Variants in AGBL4 observed in about 807,000 individuals in gnomAD.
The protein encoded by AGBL4 is AGBL carboxypeptidase 4.
A neutral mutation model predicts 66.4 loss-of-function variants in AGBL4; 58 were observed. The observed-to-expected ratio is 0.87, with a 90% confidence interval of 0.71 to 1.09. The LOEUF (loss-of-function observed/expected upper bound fraction) is 1.09, where lower values mean the gene tolerates loss of function less well. Ranked by LOEUF, AGBL4 falls within the 50% of genes least tolerant of loss-of-function variation. The pLI, the probability that AGBL4 is intolerant of heterozygous loss-of-function variation, is 0.00. For synonymous variants in AGBL4, 234 were observed against 222.9 expected, an observed-to-expected ratio of 1.05 and a Z score of -0.44; for missense variants, 579 against 631.0, an observed-to-expected ratio of 0.92 and a Z score of 0.88.
At chr1:48,887,082 T>A (rs1390561666) in intron 5 of AGBL4, among the ~76,000 whole-genome samples, 1 of 152,140 alleles carries the variant, frequency 6.6e-6, no homozygotes, top group Non-Finnish European at 1.5e-5. Flanking sequence ...GTGGCTGGAT[T>A]TCTCAAGGTG....
intron 6 of AGBL4, among the ~76,000 whole-genome samples, chr1:48,768,593 C>T (rs938646860): frequency 6.6e-6 from 1 of 152,068 alleles, no homozygotes; most frequent in Non-Finnish European, 1.5e-5. Context: ...TGAATTTACC[C>T]ATGAAGAATT....
chr1:48,956,862 C>A (rs1430541999), intron 5 of AGBL4, among the ~76,000 whole-genome samples: 4 of 152,128 alleles, frequency 2.6e-5, no homozygotes, highest in Non-Finnish European at 4.4e-5. Context: ...TGGCAGGACA[C>A]ACACCATGTT....
chr1:48,914,161 G>A (rs1570988486), intron 5 of AGBL4, among the ~76,000 whole-genome samples: 1 of 152,152 alleles, frequency 6.6e-6, no homozygotes. Flanking sequence ...AGCCTAGGAC[G>A]GAACCCTGAA....
At position 48,669,640 on chromosome 1, in the gene AGBL4, T is replaced by G. The variant is rs150641821; in HGVS notation, c.635-6399A>C. Among the ~76,000 whole-genome samples the G allele has an allele frequency of 3.9e-5, 6 of 152,308 alleles. No individual in the cohort carries two copies. The East Asian group carries it at 7.7e-4, about 20-fold the overall frequency. ...CAGTTTCCCAGACTTTATATATATT[T>G]TCCTAACTCCTCCCCAAAGCCTCTC... On this transcript the variant is annotated intron_variant, in intron 6 of 13. Transcript: ENST00000371839.
At chr1:48,977,571 A>G (rs770303475) in intron 5 of AGBL4, among the ~76,000 whole-genome samples, 6 of 152,156 alleles carry the variant, frequency 3.9e-5, no homozygotes, top group Non-Finnish European at 8.8e-5. Context: ...TTCATTTCTC[A>G]TACCCACAAC....
rs114281185 is a variant in AGBL4 at position 49,589,519 on chromosome 1, A to G, written c.282+107794T>C. ...GTTCACCAATATTTTAGGACTTCAA[A>G]GTATTGGCATTTGTAGGGAAAGCAT... On this transcript the variant is annotated intron_variant, in intron 3 of 13. Coordinates refer to ENST00000371839, the MANE Select transcript of AGBL4 (RefSeq NM_032785.4). 5.0e-3 allele frequency among the ~76,000 whole-genome samples: 769 copies of G among 152,278 alleles called. 2 individuals carry two copies. Among genetic ancestry groups the G allele is most frequent in the Admixed American group, 8.2e-3 (125 of 15,288 alleles).
At chr1:49,913,714 G>C (rs1651096120) in intron 1 of AGBL4, among the ~76,000 whole-genome samples, 1 of 152,218 alleles carries the variant, frequency 6.6e-6, no homozygotes, top group African/African-American at 2.4e-5. Context: ...AACATCCTTG[G>C]ATATAGAGGT....
chr1:48,578,028 G>C (rs1644681314), intron 11 of AGBL4, among the ~76,000 whole-genome samples: 1 of 152,158 alleles, frequency 6.6e-6, no homozygotes, highest in Non-Finnish European at 1.5e-5. Context: ...CATGTAGGTT[G>C]ATTTTTTTGG....
intron 5 of AGBL4, among the ~76,000 whole-genome samples, chr1:48,925,627 C>A (rs924716540): frequency 2.6e-5 from 4 of 152,048 alleles, no homozygotes; most frequent in African/African-American, 7.2e-5. Context: ...AGATTGGACA[C>A]CCCTGGACTA....
chr1:49,699,540 T>A lies in AGBL4; in HGVS notation c.158-2103A>T, dbSNP rs532730408. On this transcript the variant is annotated intron_variant, in intron 2 of 13. Transcript: ENST00000371839. ...AAGCTGTAGATTTTATACCCAAATA[T>A]ATCACTAAATGTGTTATATGTAAAT... Among the ~76,000 whole-genome samples the A allele has an allele frequency of 1.6e-4, 24 of 152,126 alleles. 1 individual carries two copies. In the South Asian group the frequency reaches 4.6e-3, roughly 29 times the overall value.
At chr1:48,936,495 G>A (rs1190012425) in intron 5 of AGBL4, among the ~76,000 whole-genome samples, 2 of 152,090 alleles carry the variant, frequency 1.3e-5, no homozygotes, top group African/African-American at 2.4e-5. Flanking sequence ...CTGTTTGATT[G>A]GCAACTGCAA....
At chr1:48,639,851 C>T (rs1645726708) in intron 8 of AGBL4, among the ~76,000 whole-genome samples, 1 of 152,056 alleles carries the variant, frequency 6.6e-6, no homozygotes. Flanking sequence ...TGCTTGTGTC[C>T]CTAACTGACT....
Position 49,447,468 on chromosome 1 carries a change from A to G in AGBL4, c.283-201604T>C, listed in dbSNP as rs375893414. 1.9e-3 allele frequency among the ~76,000 whole-genome samples: 290 copies of G among 152,260 alleles called. 2 individuals are homozygous for G. Among genetic ancestry groups the G allele is most frequent in the South Asian group, 0.01 (49 of 4,816 alleles). ...AGCTCCTGGAATGTGCAAATATGCA[A>G]GCTGTGGTTCCCAGGACTGAATGTA... On this transcript the variant is annotated intron_variant, in intron 3 of 13. Transcript: ENST00000371839.
At chr1:49,414,541 T>C (rs999971387) in intron 3 of AGBL4, among the ~76,000 whole-genome samples, 20 of 152,306 alleles carry the variant, frequency 1.3e-4, no homozygotes, top group African/African-American at 4.6e-4. Flanking sequence ...AATGGTTATA[T>C]GCAATGAAAA....
chr1:49,196,929 G>T (rs1346509788), intron 4 of AGBL4, among the ~76,000 whole-genome samples: 1 of 152,086 alleles, frequency 6.6e-6, no homozygotes, highest in Non-Finnish European at 1.5e-5. Context: ...CCAGGCTCAA[G>T]CAATCCTCCT....
chr1:49,278,465 C>T (rs1280468453), intron 3 of AGBL4, among the ~76,000 whole-genome samples: 5 of 152,192 alleles, frequency 3.3e-5, no homozygotes, highest in Non-Finnish European at 7.3e-5. Context: ...GACTGATCTA[C>T]TTTACAGCTG....
intron 5 of AGBL4, among the ~76,000 whole-genome samples, chr1:48,987,853 T>G (rs1239336899): frequency 6.6e-6 from 1 of 152,100 alleles, no homozygotes; most frequent in Non-Finnish European, 1.5e-5. Context: ...GGATACAAGA[T>G]AAAACTCTAT....
chr1:49,011,889 G>C (rs1406789516), intron 5 of AGBL4, among the ~76,000 whole-genome samples: 1 of 117,300 alleles, frequency 8.5e-6, no homozygotes. Context: ...TGTGGGGTGG[G>C]GGGTGGGGGG....
chr1:49,925,851 G>C (rs9988569), intron 1 of AGBL4, among the ~76,000 whole-genome samples: 12,366 of 152,216 alleles, frequency 0.081, 704 homozygotes, highest in African/African-American at 0.17. Context: ...TGCCAGCTCA[G>C]CCACAGTAGA....
Sources: allele counts gnomAD v4.1 joint callset (sites outside exome capture counted in the v4.1 genomes callset), GRCh38; gene constraint gnomAD v4.1.1; transcripts MANE v1.5; gene names NCBI Gene and HGNC (gene_info 2026-07-23, HGNC 2026-07-21).